DIP2B: variants seen among roughly 807,000 people sequenced by gnomAD.
DIP2B encodes the protein disco-interacting protein 2 homolog B.
In DIP2B, 76 loss-of-function variants were observed where a neutral mutation model predicts 198.0. The observed-to-expected ratio is 0.38, with a 90% CI of 0.32 to 0.46. The LOEUF (loss-of-function observed/expected upper bound fraction) is 0.46. Among genes scored for constraint, DIP2B ranks in the 20% least tolerant of loss-of-function variants. The pLI is 0.99. For missense variants in DIP2B, 1,559 were observed against 1,978.4 expected (o/e 0.79, Z 4.02); for synonymous variants, 701 against 739.1 (o/e 0.95, Z 0.84).
intron 3 of DIP2B, among the ~76,000 whole-genome samples, chr12:50,643,565 A>G (rs1938298774): frequency 6.6e-6 from 1 of 152,066 alleles, no homozygotes; most frequent in Admixed American, 6.6e-5. Context: ...TCCTATCAGG[A>G]GGGGAACATA....
chr12:50,551,255 C>A (rs1958424671), intron 1 of DIP2B, among the ~76,000 whole-genome samples: 3 of 152,142 alleles, frequency 2.0e-5, no homozygotes, highest in Non-Finnish European at 4.4e-5. Flanking sequence ...GAAACCCCAT[C>A]TCTACTAAAA....
intron 12 of DIP2B, among the ~76,000 whole-genome samples, chr12:50,690,036 C>A (rs1939195353): frequency 6.6e-6 from 1 of 152,066 alleles, no homozygotes; most frequent in African/African-American, 2.4e-5. Flanking sequence ...ACAGATCAAA[C>A]TCCTATTCTA....
intron 1 of DIP2B, among the ~76,000 whole-genome samples, chr12:50,623,537 A>ACG (rs1312437315): frequency 6.6e-6 from 1 of 151,556 alleles, no homozygotes; most frequent in Admixed American, 6.6e-5. Context: ...ACGCACACAC[A>ACG]CACACACACA....
Position 50,732,417 on chromosome 12 carries a change from G to A in DIP2B, c.3862G>A (p.Glu1288Lys). 6.2e-7 allele frequency: 1 copy of A among 1,614,232 alleles called. No homozygotes were observed. The highest frequency in any genetic ancestry group is 8.5e-7 in the Non-Finnish European group (1 of 1,180,040). The part of the protein sequence containing the change: ...CVRTCVVVAE[E>K]RPRVALQQSF... Reference sequence around the variant, plus strand: ...CCGGACCTGTGTGGTGGTGGCGGAGGAGAGGCCCCGCGTTGCACTCCAGCA... The same window carrying A: ...CCGGACCTGTGTGGTGGTGGCGGAGAAGAGGCCCCGCGTTGCACTCCAGCA... The change falls in exon 32 of 38, where the codon GAG becomes AAG. Residue 1288 changes from glutamate (E) to lysine (K), a missense_variant. Coordinates refer to ENST00000301180, the MANE Select transcript of DIP2B (RefSeq NM_173602.3).
intron 5 of DIP2B, among the ~76,000 whole-genome samples, chr12:50,673,443 C>T (rs1938889924): frequency 6.6e-6 from 1 of 152,142 alleles, no homozygotes. Context: ...CGTTACGTGT[C>T]CCTGTTGAAC....
intron 1 of DIP2B, among the ~76,000 whole-genome samples, chr12:50,535,681 AT>A (rs1222272390): frequency 3.8e-4 from 57 of 148,856 alleles, no homozygotes; most frequent in South Asian, 6.4e-4. Context: ...GAGCCCAGGA[AT>A]TTTTTTTTTT....
At position 50,623,437 on chromosome 12, in the gene DIP2B, A is replaced by ACT. The variant is rs142536204; in HGVS notation, c.101-2507_101-2506dup. On this transcript the variant is annotated intron_variant, in intron 1 of 37. Transcript: ENST00000301180. ...CACACACACACACACACACACACAC[A>ACT]CTCTCTCTCTCTCTCTCTCTCTCTC... is the stretch of plus-strand genomic sequence containing the variant. Among the ~76,000 whole-genome samples the ACT allele has an allele frequency of 5.0e-3, 287 of 57,136 alleles. 6 individuals are homozygous for ACT. Among genetic ancestry groups the ACT allele is most frequent in the African/African-American group, 0.019 (252 of 13,472 alleles). 37.5% of individuals were successfully genotyped at this position (57,136 alleles called of 152,430 possible). A position where few individuals can be genotyped will look rare whatever the true frequency, so the allele number is the denominator to read the frequency against.
At chr12:50,556,664 TC>T (rs1248540435) in intron 1 of DIP2B, among the ~76,000 whole-genome samples, 7 of 151,642 alleles carry the variant, frequency 4.6e-5, no homozygotes, top group African/African-American at 1.7e-4. Context: ...TGCCTCAGCC[TC>T]TCCAGCAGCT....
chr12:50,515,240 T>C (rs760861993), intron 1 of DIP2B, among the ~76,000 whole-genome samples: 98 of 110,794 alleles, frequency 8.8e-4, no homozygotes, highest in Non-Finnish European at 1.3e-3. Context: ...ACTGTGGACC[T>C]TTTTTTTTTT....
intron 1 of DIP2B, among the ~76,000 whole-genome samples, chr12:50,550,929 GC>G (rs1381081146): frequency 6.6e-6 from 1 of 152,048 alleles, no homozygotes; most frequent in South Asian, 2.1e-4. Flanking sequence ...TTCAAGACCA[GC>G]CTGGGCAACA....
chr12:50,695,371 G>C lies in DIP2B; in HGVS notation c.1813+11G>C. On this transcript the variant is annotated intron_variant, in intron 15 of 37. Transcript: ENST00000301180. The stretch of plus-strand genomic sequence containing the variant: ...TACATGCTCACAAAGGTAGTCACCT[G>C]CAACATCTGAGCTTTAATTATGTGA... 3.1e-6 allele frequency: 5 copies of C among 1,600,498 alleles called. No individual in the cohort carries two copies. Among genetic ancestry groups the C allele is most frequent in the Non-Finnish European group, 4.3e-6 (5 of 1,170,528 alleles).
chr12:50,638,925 G>T (rs1216621170), intron 2 of DIP2B, among the ~76,000 whole-genome samples: 1 of 151,708 alleles, frequency 6.6e-6, no homozygotes, highest in African/African-American at 2.4e-5. Flanking sequence ...CTGAAAATTG[G>T]CAATTAGAAA....
At chr12:50,732,004 T>G (rs1430658959) in intron 31 of DIP2B, among the ~76,000 whole-genome samples, 1 of 152,206 alleles carries the variant, frequency 6.6e-6, no homozygotes, top group Non-Finnish European at 1.5e-5. Context: ...ATCTTTGGAA[T>G]GCAAAAAGAG....
At chr12:50,652,811 T>A (rs191426480) in intron 3 of DIP2B, among the ~76,000 whole-genome samples, 1 of 152,320 alleles carries the variant, frequency 6.6e-6, no homozygotes, top group Admixed American at 6.5e-5. Flanking sequence ...TTACAGTTTT[T>A]AATGTACAAG....
intron 1 of DIP2B, 101 bp downstream of exon 1, chr12:50,505,341 G>A: frequency 1.1e-6 from 1 of 943,270 alleles, no homozygotes; most frequent in East Asian, 3.1e-5. Flanking sequence ...GCGGCGAGGG[G>A]GACGAGGGTG....
intron 1 of DIP2B, among the ~76,000 whole-genome samples, chr12:50,604,561 G>A (rs933590009): frequency 6.6e-6 from 1 of 152,038 alleles, no homozygotes; most frequent in Non-Finnish European, 1.5e-5. Context: ...AGGCTCAAGC[G>A]GTCCTCCTGT....
intron 22 of DIP2B, among the ~76,000 whole-genome samples, chr12:50,712,764 C>T (rs1030578736): frequency 1.1e-4 from 16 of 151,946 alleles, no homozygotes; most frequent in African/African-American, 3.1e-4. Flanking sequence ...AAAAATTAGC[C>T]GGGCTTGGTG....
chr12:50,697,560 T>TTTA (rs869264552), intron 17 of DIP2B, among the ~76,000 whole-genome samples: 4 of 132,572 alleles, frequency 3.0e-5, no homozygotes, highest in Non-Finnish European at 4.9e-5. Flanking sequence ...TTTTTTTTTT[T>TTTA]AGATAGGATC....
chr12:50,719,612 C>T (rs60286200), intron 25 of DIP2B, among the ~76,000 whole-genome samples: 2,034 of 152,044 alleles, frequency 0.013, 48 homozygotes, highest in African/African-American at 0.046. Flanking sequence ...GAGGCCAAGG[C>T]GGGTGGATCA....
Sources: allele counts gnomAD v4.1 joint callset (sites outside exome capture counted in the v4.1 genomes callset), GRCh38; gene constraint gnomAD v4.1.1; transcripts MANE v1.5; gene names NCBI Gene and HGNC (gene_info 2026-07-23, HGNC 2026-07-21).